Variants in PHACTR3 observed in about 807,000 individuals in gnomAD.
PHACTR3 encodes the protein phosphatase and actin regulator 3.
In PHACTR3, 16 loss-of-function variants were observed where a neutral mutation model predicts 66.8. The observed-to-expected ratio is 0.24, with a 90% CI of 0.16 to 0.36. PHACTR3 has a LOEUF of 0.36. PHACTR3 is among the 10% of genes least tolerant of loss of function. PHACTR3 has a pLI of 1.00. For synonymous variants in PHACTR3, 323 were observed against 292.1 expected (o/e 1.11, Z -1.08); for missense variants, 647 against 719.9 (o/e 0.90, Z 1.16).
chr20:59,775,190 G>C (rs1236763091), intron 7 of PHACTR3, among the ~76,000 whole-genome samples: 1 of 152,210 alleles, frequency 6.6e-6, no homozygotes, highest in African/African-American at 2.4e-5. Context: ...CAGGCCAGGA[G>C]GAGGAAGTGC....
chr20:59,629,716 T>C (rs1476709284), intron 1 of PHACTR3, among the ~76,000 whole-genome samples: 1 of 152,256 alleles, frequency 6.6e-6, no homozygotes, highest in African/African-American at 2.4e-5. Context: ...CTCTCTGGAA[T>C]TGGAGCTTAG....
intron 1 of PHACTR3, among the ~76,000 whole-genome samples, chr20:59,723,785 C>G (rs1404355497): frequency 6.6e-6 from 1 of 151,756 alleles, no homozygotes; most frequent in Admixed American, 6.6e-5. Flanking sequence ...GTGACTCGGT[C>G]TCTGGGGTGT....
chr20:59,781,565 C>T (rs112590563), intron 7 of PHACTR3, among the ~76,000 whole-genome samples: 295 of 152,238 alleles, frequency 1.9e-3, no homozygotes, highest in Non-Finnish European at 3.2e-3. Context: ...ATGGCGCTCA[C>T]GTGGTAGCCC....
chr20:59,641,298 A>G (rs531458832), intron 1 of PHACTR3, among the ~76,000 whole-genome samples: 1 of 151,902 alleles, frequency 6.6e-6, no homozygotes, highest in Non-Finnish European at 1.5e-5. Flanking sequence ...CTATCTGTCT[A>G]TCTAGATGTA....
At chr20:59,769,284 C>G (rs1035990496) in intron 5 of PHACTR3, among the ~76,000 whole-genome samples, 1 of 152,184 alleles carries the variant, frequency 6.6e-6, no homozygotes, top group Non-Finnish European at 1.5e-5. Flanking sequence ...CAGAACATGA[C>G]CTTGTTTGGA....
At chr20:59,648,565 C>G (rs16982983) in intron 1 of PHACTR3, among the ~76,000 whole-genome samples, 5,685 of 152,250 alleles carry the variant, frequency 0.037, 404 homozygotes, top group East Asian at 0.35. Context: ...ATCTGTTTAT[C>G]CCAGAGGCCA....
intron 7 of PHACTR3, among the ~76,000 whole-genome samples, chr20:59,799,299 C>T (rs535160946): frequency 2.0e-5 from 3 of 152,078 alleles, no homozygotes; most frequent in African/African-American, 4.8e-5. Context: ...TCAAATTGGT[C>T]GATAATGTCA....
At chr20:59,831,879 C>T (rs1489481293) in intron 8 of PHACTR3, among the ~76,000 whole-genome samples, 1 of 152,224 alleles carries the variant, frequency 6.6e-6, no homozygotes, top group Non-Finnish European at 1.5e-5. Context: ...TCTCACAGAG[C>T]TTCATGACTC....
intron 4 of PHACTR3, among the ~76,000 whole-genome samples, chr20:59,760,067 G>T (rs1005401258): frequency 2.0e-5 from 3 of 152,114 alleles, no homozygotes; most frequent in African/African-American, 4.8e-5. Flanking sequence ...TTTGCTGGGG[G>T]TCGGGGAGAG....
At chr20:59,644,856 T>C (rs2035229496) in intron 1 of PHACTR3, among the ~76,000 whole-genome samples, 1 of 152,188 alleles carries the variant, frequency 6.6e-6, no homozygotes, top group South Asian at 2.1e-4. Context: ...GATCTCTTTT[T>C]ATAAAATTTC....
intron 1 of PHACTR3, among the ~76,000 whole-genome samples, chr20:59,702,765 A>G (rs1431364639): frequency 7.2e-5 from 11 of 152,170 alleles, no homozygotes. Flanking sequence ...ATGGCTTTCC[A>G]TCTACACATA....
At chr20:59,676,924 A>G (rs1601078016) in intron 1 of PHACTR3, among the ~76,000 whole-genome samples, 2 of 145,848 alleles carry the variant, frequency 1.4e-5, no homozygotes, top group African/African-American at 2.6e-5. Context: ...CTGCATTTGG[A>G]GTCTGGGGTG....
intron 8 of PHACTR3, among the ~76,000 whole-genome samples, chr20:59,828,698 T>C (rs1411305666): frequency 2.0e-5 from 3 of 151,316 alleles, no homozygotes; most frequent in Admixed American, 6.6e-5. Flanking sequence ...TCACCCGGCA[T>C]GGAGTTTTGG....
intron 1 of PHACTR3, among the ~76,000 whole-genome samples, chr20:59,714,017 C>T (rs2038000869): frequency 6.6e-6 from 1 of 152,036 alleles, no homozygotes; most frequent in South Asian, 2.1e-4. Context: ...TGAGGTTGAG[C>T]TCCTTTTTAT....
At chr20:59,834,325 C>G (rs1171887325) in intron 8 of PHACTR3, among the ~76,000 whole-genome samples, 1 of 152,200 alleles carries the variant, frequency 6.6e-6, no homozygotes, top group African/African-American at 2.4e-5. Flanking sequence ...CCTGCTTTTC[C>G]TATGGTGGTC....
chr20:59,846,673 CTAAAATT>C (rs1185699430), intron 12 of PHACTR3, among the ~76,000 whole-genome samples: 67 of 152,070 alleles, frequency 4.4e-4, no homozygotes, highest in African/African-American at 1.5e-3. Context: ...TATAAAGACC[CTAAAATT>C]ATTTCAACAA....
chr20:59,673,967 C>G (rs574563247), intron 1 of PHACTR3, among the ~76,000 whole-genome samples: 2 of 152,176 alleles, frequency 1.3e-5, no homozygotes, highest in Non-Finnish European at 1.5e-5. Context: ...AGAGCAGCCC[C>G]GAAGCTTGGG....
intron 1 of PHACTR3, among the ~76,000 whole-genome samples, chr20:59,591,297 G>A (rs919165635): frequency 1.3e-5 from 2 of 152,238 alleles, no homozygotes; most frequent in African/African-American, 2.4e-5. Flanking sequence ...TCCCTCCCAC[G>A]GGGCCCCAGT....
At chr20:59,601,160 G>A (rs954089922), upstream of PHACTR3, among the ~76,000 whole-genome samples, 1 of 152,080 alleles carries the variant, frequency 6.6e-6, no homozygotes, top group Non-Finnish European at 1.5e-5. Context: ...CCCATCCTCG[G>A]CGTCCACAGA....
Sources: allele counts gnomAD v4.1 joint callset (sites outside exome capture counted in the v4.1 genomes callset), GRCh38; gene constraint gnomAD v4.1.1; transcripts MANE v1.5; gene names NCBI Gene and HGNC (gene_info 2026-07-23, HGNC 2026-07-21).